PAPOLA: variants seen among roughly 807,000 people sequenced by gnomAD.
PAPOLA encodes polynucleotide adenylyltransferase alpha.
In PAPOLA, 15 loss-of-function variants were observed where a neutral mutation model predicts 100.6. That is an observed-to-expected ratio of 0.15 (90% CI 0.10 to 0.23). PAPOLA has a LOEUF of 0.23. PAPOLA is among the 10% of genes least tolerant of loss of function. The pLI is 1.00. For missense variants in PAPOLA, 533 were observed against 884.2 expected (o/e 0.60, Z 5.04); for synonymous variants, 293 against 300.0 (o/e 0.98, Z 0.24).
Position 96,502,485 on chromosome 14 carries a change from G to A in PAPOLA, c.-108G>A, listed in dbSNP as rs762833114. ...GGTGCGGGAGAGGGGTTGGACCCAG[G>A]GCTGAGGCAGGCCCCCCCCTCCCTC... On this transcript the variant is annotated 5_prime_UTR_variant, in exon 1 of 22. Transcript: ENST00000216277. 13 of 846,194 alleles carry A rather than the reference G, an allele frequency of 1.5e-5. No homozygotes were observed. In the African/African-American group the frequency reaches 2.1e-4, roughly 13 times the overall value. The allele number at this position is 846,194 out of a possible 1,614,324, so 52.4% of individuals were successfully genotyped here.
chr14:96,502,950 T>A, intron 1 of PAPOLA: 1 of 283,208 alleles, frequency 3.5e-6, no homozygotes, highest in Non-Finnish European at 6.6e-6. Flanking sequence ...AAACATTGCC[T>A]GGTGGTGGGG....
chr14:96,537,089 T>TTGC (rs1332345518), intron 12 of PAPOLA, 29 bp downstream of exon 12: 4 of 1,211,974 alleles, frequency 3.3e-6, no homozygotes, highest in Non-Finnish European at 4.9e-6. Context: ...GTCGGACATG[T>TTGC]TGCTCTCTTA....
At chr14:96,561,124 C>A (rs867148237) in intron 20 of PAPOLA, among the ~76,000 whole-genome samples, 4 of 152,270 alleles carry the variant, frequency 2.6e-5, no homozygotes, top group Middle Eastern at 6.8e-3. Flanking sequence ...AGATCATGAT[C>A]TGTCTCTTTG....
intron 1 of PAPOLA, among the ~76,000 whole-genome samples, chr14:96,517,575 A>T (rs959360385): frequency 6.6e-6 from 1 of 152,222 alleles, no homozygotes; most frequent in Non-Finnish European, 1.5e-5. Context: ...GGGGGAAAAA[A>T]AAACCTGTGT....
chr14:96,536,078 CTTAAA>C (rs1468899009), intron 11 of PAPOLA, 79 bp downstream of exon 11: 17 of 1,086,176 alleles, frequency 1.6e-5, no homozygotes, highest in Middle Eastern at 2.2e-4. Context: ...AGCTGTGCAA[CTTAAA>C]TTGAAGAAGG....
rs537817756 is a variant in PAPOLA, at chr14:96,507,699, T to A, written c.8+5099T>A. Among the ~76,000 whole-genome samples, 107 of 152,336 alleles carry A rather than the reference T, an allele frequency of 7.0e-4. 1 individual carries two copies. Among genetic ancestry groups the A allele is most frequent in the Non-Finnish European group, 1.1e-3 (74 of 68,038 alleles). On this transcript the variant is annotated intron_variant, in intron 1 of 21. Coordinates refer to ENST00000216277, the MANE Select transcript of PAPOLA (RefSeq NM_032632.5). ...TGGATATTGGTAAGCATAATGCATGTAAGAAAGAGCTCTTTGGAGTGCTCA... is the reference window on the plus strand; with the variant it reads ...TGGATATTGGTAAGCATAATGCATGAAAGAAAGAGCTCTTTGGAGTGCTCA...
At chr14:96,548,727 G>T (rs1900592410) in intron 16 of PAPOLA, among the ~76,000 whole-genome samples, 1 of 152,156 alleles carries the variant, frequency 6.6e-6, no homozygotes, top group South Asian at 2.1e-4. Context: ...ATTTAGGAGA[G>T]AATATGAAAT....
chr14:96,522,116 C>CTTTTTTTTTTTT (rs754167531), intron 3 of PAPOLA, among the ~76,000 whole-genome samples: 40 of 57,838 alleles, frequency 6.9e-4, no homozygotes, highest in Non-Finnish European at 9.6e-4. Flanking sequence ...TTCTTTCTTT[C>CTTTTTTTTTTTT]TTTTTTTTTT....
In PAPOLA at chr14:96,536,127, T is replaced by C. The variant is rs190312449; in HGVS notation, c.1030+128T>C. The C allele has an allele frequency of 1.9e-3, 1,172 of 612,810 alleles. 5 individuals are homozygous for C. Among genetic ancestry groups the C allele is most frequent in the Middle Eastern group, 0.012 (43 of 3,546 alleles). 38.0% of individuals were successfully genotyped at this position (612,810 alleles called of 1,614,324 possible). A position where few individuals can be genotyped will look rare whatever the true frequency, so the allele number is the denominator to read the frequency against. ...AAGTGGATTTTGGTGTTCATTTATT[T>C]ATTACAGTATATATTTGAGAACTGA... On this transcript the variant is annotated intron_variant, in intron 11 of 21. Coordinates refer to ENST00000216277, the MANE Select transcript of PAPOLA (RefSeq NM_032632.5).
intron 15 of PAPOLA, among the ~76,000 whole-genome samples, chr14:96,547,125 C>T (rs900566927): frequency 2.6e-5 from 4 of 152,042 alleles, no homozygotes; most frequent in Non-Finnish European, 4.4e-5. Context: ...AATGTAGACC[C>T]TTTGAGGCTA....
intron 11 of PAPOLA, among the ~76,000 whole-genome samples, chr14:96,536,664 A>G (rs1420642030): frequency 2.0e-5 from 3 of 152,056 alleles, no homozygotes; most frequent in Non-Finnish European, 2.9e-5. Flanking sequence ...TAGAAAGGCA[A>G]GAAACAAAGT....
At position 96,564,983 on chromosome 14, in the gene PAPOLA, T is replaced by C. The variant is rs142244238; in HGVS notation, c.2171T>C (p.Ile724Thr). 2.5e-6 allele frequency: 4 copies of C among 1,596,546 alleles called. No homozygotes were observed. Among genetic ancestry groups the C allele is most frequent in the East Asian group, 2.2e-5 (1 of 44,760 alleles). ...QKTSSTDLSD[I>T]PALPANPIPV... ...ACATCCAGTACAGACCTTTCTGATATCCCTGCTCTCCCTGCAAATCCTATT... is the reference window on the plus strand; with the variant it reads ...ACATCCAGTACAGACCTTTCTGATACCCCTGCTCTCCCTGCAAATCCTATT... The change falls in exon 22 of 22, where the codon ATC becomes ACC. Residue 724 changes from isoleucine to threonine, a missense_variant. Physicochemically the swap from Ile to Thr is moderately conservative, Grantham distance 89 (BLOSUM62 -1). Around this residue, in one of 9 missense-constraint regions of PAPOLA, gnomAD observed 242 missense variants for 281.0 expected, o/e 0.86. Coordinates refer to ENST00000216277, the MANE Select transcript of PAPOLA (RefSeq NM_032632.5).
intron 16 of PAPOLA, among the ~76,000 whole-genome samples, chr14:96,549,243 A>G (rs933023794): frequency 4.0e-5 from 6 of 151,128 alleles, no homozygotes; most frequent in Admixed American, 2.0e-4. Context: ...ACATGATGTT[A>G]TTCTAATTTT....
intron 12 of PAPOLA, 149 bp downstream of exon 12, chr14:96,537,209 G>A (rs1899611174): frequency 1.7e-6 from 1 of 590,048 alleles, no homozygotes; most frequent in Non-Finnish European, 3.1e-6. Context: ...GAACTCCTTA[G>A]TTTTTTTTGG....
intron 17 of PAPOLA, among the ~76,000 whole-genome samples, chr14:96,554,264 T>C (rs1231772387): frequency 6.6e-6 from 1 of 152,256 alleles, no homozygotes; most frequent in African/African-American, 2.4e-5. Context: ...GGCACCTTGC[T>C]AGCCATTTCA....
chr14:96,555,886 G>T lies in PAPOLA; in HGVS notation c.1704G>T (p.Val568=). 1.2e-6 allele frequency: 2 copies of T among 1,608,538 alleles called. No individual in the cohort carries two copies. Among genetic ancestry groups the T allele is most frequent in the South Asian group, 2.2e-5 (2 of 90,802 alleles). The part of the protein sequence containing the change: ...SPAPAVTAAS[V]TNIQATEVSV... ...CTCCAGCTGTAACAGCAGCATCTGT[G>T]ACCAACATACAGGCTACTGAAGTTT... is the stretch of plus-strand genomic sequence containing the variant. The change falls in exon 18 of 22, where the codon GTG becomes GTT. Residue 568 remains valine, a synonymous_variant. Coordinates refer to ENST00000216277, the MANE Select transcript of PAPOLA (RefSeq NM_032632.5).
At chr14:96,534,873 AT>A in intron 10 of PAPOLA, 1 of 1,078,236 alleles carries the variant, frequency 9.3e-7, no homozygotes, top group Non-Finnish European at 1.1e-6. Context: ...TTTAAAAAAA[AT>A]AAAAGGATAC....
At chr14:96,535,634 C>T in intron 10 of PAPOLA, 1 of 1,046,254 alleles carries the variant, frequency 9.6e-7, no homozygotes, top group Non-Finnish European at 1.2e-6. Flanking sequence ...TGTTGTTCAG[C>T]AGGCACACTT....
chr14:96,533,804 C>T (rs1595530613), intron 9 of PAPOLA: 14 of 718,368 alleles, frequency 1.9e-5, no homozygotes, highest in South Asian at 1.2e-4. Context: ...CCGCCCGCCT[C>T]GGCCTCCCAT....
Sources: gnomAD v4.1 joint callset for allele counts (sites outside exome capture counted in the v4.1 genomes callset) on GRCh38, gnomAD v4.1.1 for gene constraint, gnomAD v4.1.1 regional missense constraint, MANE v1.5 for transcripts, NCBI Gene and HGNC (gene_info 2026-07-23, HGNC 2026-07-21) for gene names.